Variants in DMD observed in about 807,000 individuals in gnomAD.
DMD encodes the protein dystrophin.
A neutral mutation model predicts 330.1 loss-of-function variants in DMD; 63 were observed. The ratio of observed to expected loss-of-function variants is 0.19; its 90% confidence interval spans 0.16 to 0.24. The LOEUF is 0.24. Ranked by LOEUF, DMD falls within the 10% of genes least tolerant of loss-of-function variation. The pLI, the probability that DMD is intolerant of heterozygous loss-of-function variation, is 1.00. For missense variants in DMD, 3,344 were observed against 2,684.1 expected (o/e 1.25, Z -5.43); for synonymous variants, 1,223 against 959.8 (o/e 1.27, Z -5.07).
intron 67 of DMD, among the ~76,000 whole-genome samples, chrX:31,184,727 A>G (rs1181823634): frequency 4.7e-5 from 4 of 84,502 alleles, no homozygotes; most frequent in Non-Finnish European, 6.5e-5. Context: ...ATGCCCAACA[A>G]TGATAGACTG....
chrX:31,348,409 A>G (rs1271966140), intron 61 of DMD, 147 bp downstream of exon 61: 2 of 589,197 alleles, frequency 3.4e-6, no homozygotes, highest in Non-Finnish European at 2.8e-6. Flanking sequence ...CTTATCAACC[A>G]AGTTATATTT....
intron 44 of DMD, among the ~76,000 whole-genome samples, chrX:32,083,861 T>C (rs2096411915): frequency 8.9e-6 from 1 of 112,612 alleles, no homozygotes; most frequent in South Asian, 3.6e-4. Context: ...CGCAGCCACA[T>C]TTGTAGGTTT....
chrX:32,657,334 T>C (rs973176895), intron 9 of DMD, among the ~76,000 whole-genome samples: 21 of 112,115 alleles, frequency 1.9e-4, no homozygotes, highest in African/African-American at 5.8e-4. Flanking sequence ...AAAAGATTTC[T>C]TTTTAAAAGC....
At chrX:32,204,471 A>G (rs1387946323) in intron 44 of DMD, among the ~76,000 whole-genome samples, 1 of 111,916 alleles carries the variant, frequency 8.9e-6, no homozygotes, top group Non-Finnish European at 1.9e-5. Context: ...TTGATTTTGT[A>G]CTATTTTCCA....
At chrX:31,130,386 T>C (rs148294385) in intron 77 of DMD, among the ~76,000 whole-genome samples, 2,186 of 111,949 alleles carry the variant, frequency 0.02, 61 homozygotes, top group African/African-American at 0.067. Flanking sequence ...TCTACACATA[T>C]ACTTACAAAG....
chrX:32,004,544 A>G (rs2095648466), intron 44 of DMD, among the ~76,000 whole-genome samples: 1 of 111,543 alleles, frequency 9.0e-6, no homozygotes, highest in African/African-American at 3.3e-5. Context: ...ATTTTATGTT[A>G]CCATCCTGGG....
intron 44 of DMD, chrX:32,155,289 C>T (rs1308726085): frequency 2.3e-6 from 1 of 442,663 alleles, no homozygotes; most frequent in South Asian, 1.1e-4. Flanking sequence ...AGAAAAGCTG[C>T]CAGACCCACA....
In DMD at chrX:31,939,248, C is replaced by A. The variant is rs138270815; in HGVS notation, c.6615-7021G>T. Among the ~76,000 whole-genome samples, 721 of 111,709 alleles carry A rather than the reference C, an allele frequency of 6.5e-3. 9 individuals are homozygous for A. Among genetic ancestry groups the A allele is most frequent in the African/African-American group, 0.022 (681 of 30,808 alleles). ...AGCATCAACTTTATTTTTAAGCCAA[C>A]ATGTCTACCATACCTGGTTGGTGCT... On this transcript the variant is annotated intron_variant, in intron 45 of 78. Transcript: ENST00000357033.
At chrX:31,252,975 G>A (rs2049553197) in intron 63 of DMD, among the ~76,000 whole-genome samples, 1 of 104,536 alleles carries the variant, frequency 9.6e-6, no homozygotes, top group South Asian at 4.4e-4. Context: ...TGGCGACAGA[G>A]TGAGACTCCG....
At chrX:32,833,029 C>G (rs1473806148) in intron 4 of DMD, among the ~76,000 whole-genome samples, 4 of 111,653 alleles carry the variant, frequency 3.6e-5, no homozygotes, top group Non-Finnish European at 7.6e-5. Flanking sequence ...CTATCTCTAC[C>G]TTCAATGATT....
At chrX:31,473,711 C>CAAAAAAAAAAA (rs55752684) in intron 59 of DMD, among the ~76,000 whole-genome samples, 75 of 40,113 alleles carry the variant, frequency 1.9e-3, no homozygotes, top group African/African-American at 5.6e-3. Context: ...GACTCTGTCT[C>CAAAAAAAAAAA]AAAAAAAAAA....
chrX:32,430,075 G>C (rs1603633307), intron 29 of DMD, among the ~76,000 whole-genome samples: 1 of 110,589 alleles, frequency 9.0e-6, no homozygotes, highest in East Asian at 2.9e-4. Context: ...TAATTTTGTT[G>C]AGTTCAGAAT....
intron 16 of DMD, among the ~76,000 whole-genome samples, chrX:32,564,505 C>G (rs1019937006): frequency 6.3e-5 from 7 of 111,419 alleles, no homozygotes; most frequent in African/African-American, 2.0e-4. Flanking sequence ...TCACATAAAA[C>G]AGGAGGAATC....
At chrX:31,300,033 C>T (rs1185797617) in intron 62 of DMD, among the ~76,000 whole-genome samples, 1 of 110,967 alleles carries the variant, frequency 9.0e-6, no homozygotes, top group African/African-American at 3.3e-5. Context: ...TTTTTTTTCA[C>T]CTGCACAAAT....
intron 1 of DMD, among the ~76,000 whole-genome samples, chrX:33,259,052 T>A (rs1179252028): frequency 9.0e-6 from 1 of 111,391 alleles, no homozygotes; most frequent in East Asian, 2.8e-4. Context: ...AATATACTTG[T>A]TTGAAGATGG....
At chrX:32,775,553 G>A (rs2074055199) in intron 7 of DMD, among the ~76,000 whole-genome samples, 1 of 113,302 alleles carries the variant, frequency 8.8e-6, no homozygotes, top group Non-Finnish European at 1.9e-5. Flanking sequence ...AAGGCTTGGG[G>A]CTTGCACCCT....
chrX:32,729,906 T>C (rs1390222440), intron 7 of DMD, among the ~76,000 whole-genome samples: 1 of 112,277 alleles, frequency 8.9e-6, no homozygotes, highest in Non-Finnish European at 1.9e-5. Context: ...AACTAAAGCA[T>C]ATATAGTAGC....
chrX:32,601,158 T>A (rs1329158817), intron 12 of DMD, among the ~76,000 whole-genome samples: 1 of 111,476 alleles, frequency 9.0e-6, no homozygotes, highest in African/African-American at 3.3e-5. Flanking sequence ...GGACTTTCGA[T>A]TTTATTTGCA....
rs758979462 is a variant in DMD at position 33,017,800 on chromosome X, A to T, written c.93+2339T>A. ...TCAGTTCTAACTCCATTTATCAATT[A>T]ACCAAAAACTCCCAAATAACTGTGT... is the stretch of plus-strand genomic sequence containing the variant. On this transcript the variant is annotated intron_variant, in intron 2 of 78. Transcript: ENST00000357033. Among the ~76,000 whole-genome samples the T allele has an allele frequency of 9.1e-4, 101 of 111,520 alleles. 1 individual carries two copies. Among genetic ancestry groups the T allele is most frequent in the African/African-American group, 2.7e-3 (83 of 30,751 alleles).
Sources: gnomAD v4.1 joint callset for allele counts (sites outside exome capture counted in the v4.1 genomes callset) on GRCh38, gnomAD v4.1.1 for gene constraint, MANE v1.5 for transcripts, NCBI Gene and HGNC (gene_info 2026-07-23, HGNC 2026-07-21) for gene names.